Variants in SLC25A32 observed in about 807,000 individuals in gnomAD.
The protein encoded by SLC25A32 is solute carrier family 25 member 32.
Under a neutral mutation model 39.0 loss-of-function variants are expected in SLC25A32, and 32 were observed. The observed-to-expected ratio is 0.82, with a 90% CI of 0.62 to 1.10. The LOEUF (loss-of-function observed/expected upper bound fraction) is 1.10, where lower values mean the gene tolerates loss of function less well. SLC25A32 is among the 50% of genes least tolerant of loss of function. The probability of loss-of-function intolerance (pLI) is 0.00; values close to 1 mark genes in which losing one functional copy is unlikely to be tolerated. For missense variants in SLC25A32, 367 were observed against 395.3 expected, an observed-to-expected ratio of 0.93 and a Z score of 0.61; for synonymous variants, 166 against 152.4, an observed-to-expected ratio of 1.09 and a Z score of -0.66.
intron 4 of SLC25A32, 61 bp from the exon 5 acceptor site, chr8:103,402,115 G>A: frequency 5.6e-6 from 6 of 1,071,572 alleles, no homozygotes; most frequent in Non-Finnish European, 8.1e-6. Flanking sequence ...ATATATTTAA[G>A]TAAAATACTT....
chr8:103,408,218 C>T (rs1816386068), intron 1 of SLC25A32, among the ~76,000 whole-genome samples: 1 of 151,704 alleles, frequency 6.6e-6, no homozygotes, highest in Admixed American at 6.6e-5. Flanking sequence ...AACCCCTGAC[C>T]TCAGGTGATC....
intron 3 of SLC25A32, among the ~76,000 whole-genome samples, chr8:103,404,321 C>T (rs1305444895): frequency 6.6e-6 from 1 of 152,026 alleles, no homozygotes; most frequent in Non-Finnish European, 1.5e-5. Flanking sequence ...AACAGCCAGG[C>T]GTGGTGGCTC....
intron 1 of SLC25A32, among the ~76,000 whole-genome samples, chr8:103,408,738 C>T (rs1355763284): frequency 1.3e-5 from 2 of 152,180 alleles, no homozygotes; most frequent in African/African-American, 4.8e-5. Flanking sequence ...TCAACAAACG[C>T]CATCATCATC....
intron 1 of SLC25A32, 152 bp downstream of exon 1, chr8:103,414,632 G>A: frequency 9.1e-7 from 1 of 1,094,222 alleles, no homozygotes; most frequent in Non-Finnish European, 1.3e-6. Context: ...CCTCCACCAA[G>A]CACCATTTCC....
chr8:103,401,913 G>T (rs376243577), intron 5 of SLC25A32, 28 bp downstream of exon 5: 6 of 1,561,030 alleles, frequency 3.8e-6, no homozygotes, highest in East Asian at 4.5e-5. Flanking sequence ...AAAAGGAAAT[G>T]ATATCATTTT....
intron 2 of SLC25A32, among the ~76,000 whole-genome samples, chr8:103,406,199 GAAGAAA>G (rs997511253): frequency 1.8e-4 from 27 of 151,794 alleles, no homozygotes; most frequent in African/African-American, 5.8e-4. Context: ...TCTCTAAAGA[GAAGAAA>G]AAGAGAAAAA....
rs751908054 is a variant in SLC25A32 at position 103,414,925 on chromosome 8, C to A, written c.13G>T (p.Gly5Cys). The A allele has an allele frequency of 6.2e-7, 1 of 1,606,792 alleles. No individual in the cohort carries two copies. Among genetic ancestry groups the A allele is most frequent in the Non-Finnish European group, 8.5e-7 (1 of 1,177,108 alleles). Reference sequence around the variant, plus strand: ...GCCGACGACCCGGACGCCGACTGGCCCTGGCCCGTCATAGGCTCGGGGCCC... The same window carrying A: ...GCCGACGACCCGGACGCCGACTGGCACTGGCCCGTCATAGGCTCGGGGCCC... MTGQ[G>C]QSASGSSAWS... The change falls in exon 1 of 7, where the codon GGC (glycine) becomes TGC (cysteine). Residue 5 changes from glycine (G) to cysteine (C), a missense_variant. Coordinates refer to ENST00000297578, the MANE Select transcript of SLC25A32 (RefSeq NM_030780.5).
At chr8:103,409,239 T>C (rs1816407086) in intron 1 of SLC25A32, among the ~76,000 whole-genome samples, 1 of 151,664 alleles carries the variant, frequency 6.6e-6, no homozygotes, top group Non-Finnish European at 1.5e-5. Context: ...TACATTATAC[T>C]ACAGGATATC....
chr8:103,412,865 A>C (rs1458778403), intron 1 of SLC25A32, among the ~76,000 whole-genome samples: 1 of 152,216 alleles, frequency 6.6e-6, no homozygotes, highest in Non-Finnish European at 1.5e-5. Context: ...ATTAGATTTT[A>C]ACTTTATTAA....
chr8:103,406,352 T>C (rs1009661210), intron 2 of SLC25A32, among the ~76,000 whole-genome samples: 1 of 152,156 alleles, frequency 6.6e-6, no homozygotes, highest in Non-Finnish European at 1.5e-5. Flanking sequence ...GCAAATACAC[T>C]AGATACTGAT....
At chr8:103,407,457 C>G (rs1241046784) in intron 2 of SLC25A32, among the ~76,000 whole-genome samples, 177 bp downstream of exon 2, 1 of 151,946 alleles carries the variant, frequency 6.6e-6, no homozygotes, top group Non-Finnish European at 1.5e-5. Context: ...AACTAATAAG[C>G]CATTTTGAAT....
At position 103,404,858 on chromosome 8, in the gene SLC25A32, G is replaced by T; in HGVS notation, c.309C>A (p.Tyr103Ter). ...GLSWGLYFFFYNAIKSYKTEG... is the reference protein window; with the variant it reads ...GLSWGLYFFF The stretch of plus-strand genomic sequence containing the variant: ...CTGTTTTATATGACTTGATGGCATT[G>T]TAACTAAAAGAATTAAATGTGAGCA... Residue 103 changes from tyrosine (Y) to a stop codon, truncating the protein, a stop_gained, in exon 3 of 7, where the codon TAC becomes TAA. Coordinates refer to ENST00000297578, the MANE Select transcript of SLC25A32 (RefSeq NM_030780.5). LOFTEE classifies it high-confidence loss of function. 6.2e-7 allele frequency: 1 copy of T among 1,603,986 alleles called. No individual in the cohort carries two copies. Among genetic ancestry groups the T allele is most frequent in the Non-Finnish European group, 8.5e-7 (1 of 1,171,252 alleles).
At chr8:103,414,416 G>A (rs555803984) in intron 1 of SLC25A32, among the ~76,000 whole-genome samples, 1 of 152,280 alleles carries the variant, frequency 6.6e-6, no homozygotes, top group Non-Finnish European at 1.5e-5. Flanking sequence ...AACCACGTGG[G>A]TATGCTAAGA....
chr8:103,412,122 T>C (rs1309546407), intron 1 of SLC25A32, among the ~76,000 whole-genome samples: 4 of 152,222 alleles, frequency 2.6e-5, no homozygotes, highest in African/African-American at 9.6e-5. Flanking sequence ...TTAGTACATA[T>C]AAAGCTCTTA....
At chr8:103,402,216 T>C in intron 4 of SLC25A32, 162 bp from the exon 5 acceptor site, 1 of 533,892 alleles carries the variant, frequency 1.9e-6, no homozygotes, top group Non-Finnish European at 3.3e-6. Flanking sequence ...ACTTGTAATA[T>C]AAAGACATGG....
intron 3 of SLC25A32, 86 bp from the exon 4 acceptor site, chr8:103,403,410 A>T (rs991877196): frequency 8.9e-3 from 509 of 57,386 alleles, no homozygotes; most frequent in East Asian, 0.017. Context: ...ACATTTATGT[A>T]AAAAAAAAAA....
At chr8:103,414,650 T>C in intron 1 of SLC25A32, 134 bp downstream of exon 1, 3 of 1,272,978 alleles carry the variant, frequency 2.4e-6, no homozygotes. Flanking sequence ...TCCTCAAATC[T>C]AGTTCAGGTT....
chr8:103,406,065 G>GTATATATATATA (rs1554628989), intron 2 of SLC25A32, among the ~76,000 whole-genome samples: 1,659 of 144,142 alleles, frequency 0.012, 16 homozygotes, highest in Middle Eastern at 0.032. Flanking sequence ...GTGTGTGTGT[G>GTATATATATATA]TATATATATA....
At position 103,403,202 on chromosome 8, in the gene SLC25A32, T is replaced by G. The variant is rs1401445425; in HGVS notation, c.514A>C (p.Lys172Gln). 1.9e-6 allele frequency: 3 copies of G among 1,611,526 alleles called. No individual in the cohort carries two copies. Among genetic ancestry groups the G allele is most frequent in the Non-Finnish European group, 2.5e-6 (3 of 1,178,062 alleles). The change falls in exon 4 of 7, where the codon AAA becomes CAA. Residue 172 changes from lysine to glutamine, a missense_variant. By Grantham distance (53) the Lys-to-Gln change is moderately conservative (BLOSUM62 1). Transcript: ENST00000297578. ...QYKGMFDTLV[K>Q]IYKYEGVRGL... is the part of the protein sequence containing the mutation. ...CGCACACCTTCATACTTATATATTT[T>G]CACAAGTGTATCAAACATTCCTTTA...
Sources: gnomAD v4.1 joint callset for allele counts (sites outside exome capture counted in the v4.1 genomes callset) on GRCh38, gnomAD v4.1.1 for gene constraint, MANE v1.5 for transcripts, NCBI Gene and HGNC (gene_info 2026-07-23, HGNC 2026-07-21) for gene names.